Variants in SVEP1 observed in about 807,000 individuals in gnomAD.
SVEP1 encodes sushi, von Willebrand factor type A, EGF and pentraxin domain-containing protein 1.
Under a neutral mutation model 367.3 loss-of-function variants are expected in SVEP1, and 164 were observed. The ratio of observed to expected loss-of-function variants is 0.45; its 90% confidence interval spans 0.39 to 0.51. SVEP1 has a LOEUF of 0.51. Among genes scored for constraint, SVEP1 ranks in the 20% least tolerant of loss-of-function variants. The pLI is 0.00. For missense variants in SVEP1, 4,117 were observed against 4,425.3 expected (o/e 0.93, Z 1.98); for synonymous variants, 1,666 against 1,611.6 (o/e 1.03, Z -0.81).
In SVEP1 at chr9:110,427,594, T is replaced by C. The variant is rs974336754; in HGVS notation, c.5972A>G (p.Glu1991Gly). The C allele has an allele frequency of 6.2e-7, 1 of 1,612,908 alleles. No individual in the cohort carries two copies. Residue 1991 changes from glutamate (E) to glycine (G), a missense_variant, in exon 36 of 48, where the codon GAA becomes GGA. This residue lies in a region of SVEP1 where 2,174 missense variants were observed against 2,494.3 expected (regional missense o/e 0.87). Coordinates refer to ENST00000374469, the MANE Select transcript of SVEP1 (RefSeq NM_153366.4). ...TTCCTTCACAGGCCCTACTCACCCT[T>C]CTTTGCAAGTGTAAGTGACGGTGTT... ...FRNTVTYTCK[E>G]GYTLAGLDTI... is the part of the protein sequence containing the mutation.
chr9:110,516,343 A>C (rs1417533247), intron 3 of SVEP1, among the ~76,000 whole-genome samples: 4 of 151,828 alleles, frequency 2.6e-5, no homozygotes, highest in African/African-American at 4.8e-5. Flanking sequence ...TTTGTTTAAA[A>C]ACAAAAGATA....
chr9:110,579,224 C>A lies in SVEP1; in HGVS notation c.320G>T (p.Arg107Leu). The change falls in exon 1 of 48, where the codon CGC (arginine) becomes CTC (leucine). Residue 107 changes from arginine (R) to leucine (L), a missense_variant. Around this residue, in one of 4 missense-constraint regions of SVEP1, gnomAD observed 2,174 missense variants for 2,494.3 expected, o/e 0.87. Transcript: ENST00000374469. The surrounding 1 kb of genome is among the most constrained non-coding windows in gnomAD (Gnocchi z 5.3). ...VNFRSELMFV[R>L]KLLSDFPVVP... ...CACGGGGAAGTCGGACAGCAGCTTGCGGACGAACATGAGCTCGCTGCGGAA... is the reference window on the plus strand; with the variant it reads ...CACGGGGAAGTCGGACAGCAGCTTGAGGACGAACATGAGCTCGCTGCGGAA... 6 of 1,570,162 alleles carry A rather than the reference C, an allele frequency of 3.8e-6. No individual in the cohort carries two copies. The highest frequency in any genetic ancestry group is 1.9e-5 in the Admixed American group (1 of 53,450).
chr9:110,471,493 G>T lies in SVEP1; in HGVS notation c.2869C>A (p.Leu957Ile). The change falls in exon 16 of 48, where the codon CTC (leucine) becomes ATC (isoleucine). Residue 957 changes from leucine (L) to isoleucine (I), a missense_variant. Physicochemically the swap from Leu to Ile is conservative, Grantham distance 5. This residue lies in a region of SVEP1 where 2,174 missense variants were observed against 2,494.3 expected (regional missense o/e 0.87). Coordinates refer to ENST00000374469, the MANE Select transcript of SVEP1 (RefSeq NM_153366.4). ...ETITNKLKRT[L>I]NKDPMYSFQL... ...AAGGAATACATGGGGTCTTTGTTGA[G>T]AGTCCTTTTCAGTTTATTTGTGATA... 1 of 1,613,908 alleles carries T rather than the reference G, an allele frequency of 6.2e-7. No homozygotes were observed. The highest frequency in any genetic ancestry group is 8.5e-7 in the Non-Finnish European group (1 of 1,179,844).
chr9:110,496,374 A>G (rs1259579744), intron 8 of SVEP1, among the ~76,000 whole-genome samples: 1 of 152,210 alleles, frequency 6.6e-6, no homozygotes, highest in African/African-American at 2.4e-5. Context: ...GGAAGGTGAG[A>G]AGAGCAGACC....
chr9:110,382,886 G>A (rs1827459574), intron 43 of SVEP1, among the ~76,000 whole-genome samples: 1 of 152,110 alleles, frequency 6.6e-6, no homozygotes, highest in Admixed American at 6.6e-5. Context: ...AAGTTCTCGT[G>A]TTGTGTTTTT....
chr9:110,503,152 A>G lies in SVEP1; in HGVS notation c.1369T>C (p.Leu457=), dbSNP rs1350582016. The change falls in exon 6 of 48, where the codon TTA becomes CTA. Residue 457 remains leucine, a synonymous_variant. Transcript: ENST00000374469. ...GCAACCAAACATGTTGTCTTATATA[A>G]CATTTCCCTTGTAGAACAGCTGATG... ...GHISCSTREM[L]YKTTCLVACD... is the part of the protein sequence containing the mutation. 1.9e-6 allele frequency: 3 copies of G among 1,613,872 alleles called. No homozygotes were observed. The highest frequency in any genetic ancestry group is 3.3e-5 in the Admixed American group (2 of 60,000).
chr9:110,449,834 T>C (rs781744406), intron 24 of SVEP1, among the ~76,000 whole-genome samples: 18 of 152,204 alleles, frequency 1.2e-4, no homozygotes, highest in Non-Finnish European at 2.2e-4. Context: ...TCAGAATCAT[T>C]GGGAAACTTA....
At chr9:110,476,107 A>G in intron 14 of SVEP1, 97 bp downstream of exon 14, 1 of 699,384 alleles carries the variant, frequency 1.4e-6, no homozygotes, top group Middle Eastern at 4.1e-4. Context: ...GAATAAATTA[A>G]TAGAAGTTAA....
rs1044629016 is a variant in SVEP1 at position 110,469,304 on chromosome 9, T to G, written c.2999-203A>C. On this transcript the variant is annotated intron_variant, in intron 16 of 47. Coordinates refer to ENST00000374469, the MANE Select transcript of SVEP1 (RefSeq NM_153366.4). ...AACCAACAGTAAGACATTCGTTTAT[T>G]TTTTAAAGATAAAGCAAATTCTTAT... Among the ~76,000 whole-genome samples, 7 of 152,346 alleles carry G rather than the reference T, an allele frequency of 4.6e-5. No homozygotes were observed. In the East Asian group the frequency reaches 1.4e-3, roughly 29 times the overall value.
At chr9:110,452,527 C>T (rs1265838064) in intron 22 of SVEP1, among the ~76,000 whole-genome samples, 1 of 152,168 alleles carries the variant, frequency 6.6e-6, no homozygotes, top group Non-Finnish European at 1.5e-5. Flanking sequence ...AAAATGGAAA[C>T]CAGGCAAGCA....
intron 36 of SVEP1, among the ~76,000 whole-genome samples, chr9:110,427,253 A>G (rs2254156): frequency 0.85 from 125,734 of 147,436 alleles, 54,157 homozygotes; most frequent in African/African-American, 0.97. Context: ...AGCCAAGTTC[A>G]TACCAATGCA....
At chr9:110,438,329 T>A (rs1828462537) in intron 27 of SVEP1, among the ~76,000 whole-genome samples, 1 of 151,854 alleles carries the variant, frequency 6.6e-6, no homozygotes. Flanking sequence ...TAGCTGGGAT[T>A]ACAGGTATGC....
At chr9:110,564,917 A>C (rs965321963) in intron 1 of SVEP1, among the ~76,000 whole-genome samples, 1 of 152,090 alleles carries the variant, frequency 6.6e-6, no homozygotes, top group East Asian at 1.9e-4. Context: ...GGTGGATTAA[A>C]CAATCCTTAC....
rs1428356712 is a variant in SVEP1, at chr9:110,459,129, C to T, written c.3323-16G>A. On this transcript the variant is annotated splice_polypyrimidine_tract_variant and intron_variant, in intron 18 of 47. Transcript: ENST00000374469. The stretch of plus-strand genomic sequence containing the variant: ...GGACAAGGAACTGCAGAGGTAAAAA[C>T]AAATCATATGTGCATATAAAGTAAC... The T allele has an allele frequency of 2.5e-6, 4 of 1,611,792 alleles. No individual in the cohort carries two copies. The highest frequency in any genetic ancestry group is 3.4e-6 in the Non-Finnish European group (4 of 1,178,462).
At chr9:110,453,327 G>C (rs1044071261) in intron 22 of SVEP1, among the ~76,000 whole-genome samples, 2 of 151,856 alleles carry the variant, frequency 1.3e-5, no homozygotes, top group African/African-American at 2.4e-5. Flanking sequence ...TATTTTATTA[G>C]AATATATCAT....
chr9:110,441,329 TTGTC>T (rs1314783272), intron 27 of SVEP1, among the ~76,000 whole-genome samples: 36 of 152,340 alleles, frequency 2.4e-4, no homozygotes, highest in African/African-American at 8.2e-4. Flanking sequence ...TGTTTCTAGT[TTGTC>T]TGTGTTTCTC....
intron 29 of SVEP1, among the ~76,000 whole-genome samples, 182 bp from the exon 30 acceptor site, chr9:110,434,688 C>T (rs1252191667): frequency 4.2e-5 from 1 of 23,546 alleles, no homozygotes; most frequent in Non-Finnish European, 9.4e-5. Flanking sequence ...AAAAAAAAAG[C>T]ATTTAAGTCA....
At chr9:110,492,073 T>C in intron 8 of SVEP1, among the ~76,000 whole-genome samples, 1 of 151,668 alleles carries the variant, frequency 6.6e-6, no homozygotes, top group East Asian at 1.9e-4. Flanking sequence ...AGTCTGGAAA[T>C]AAAAGATGTT....
chr9:110,450,031 G>A, intron 24 of SVEP1, 28 bp downstream of exon 24: 1 of 1,610,708 alleles, frequency 6.2e-7, no homozygotes, highest in Non-Finnish European at 8.5e-7. Flanking sequence ...AATAAAAACA[G>A]TGAAAAGAAT....
Sources: allele counts gnomAD v4.1 joint callset (sites outside exome capture counted in the v4.1 genomes callset), GRCh38; gene constraint gnomAD v4.1.1; regional missense constraint gnomAD v4.1.1; non-coding constraint Gnocchi (gnomAD v3.1); transcripts MANE v1.5; gene names NCBI Gene and HGNC (gene_info 2026-07-23, HGNC 2026-07-21).